Variants in URB1 observed in about 807,000 individuals in gnomAD.
URB1 encodes the protein URB1 ribosome biogenesis factor, also known as nucleolar pre-ribosomal-associated protein 1.
A neutral mutation model predicts 242.3 loss-of-function variants in URB1; 197 were observed. The observed-to-expected ratio is 0.81, with a 90% CI of 0.72 to 0.91. The LOEUF (loss-of-function observed/expected upper bound fraction) is 0.91, where lower values mean the gene tolerates loss of function less well. URB1 is among the 40% of genes least tolerant of loss of function. The pLI is 0.00. For missense variants in URB1, 2,721 were observed against 2,860.5 expected, an observed-to-expected ratio of 0.95 and a Z score of 1.11; for synonymous variants, 1,153 against 1,201.8, an observed-to-expected ratio of 0.96 and a Z score of 0.84.
chr21:32,317,092 T>C, intron 37 of URB1, 27 bp from the exon 38 acceptor site: 2 of 1,499,372 alleles, frequency 1.3e-6, no homozygotes, highest in African/African-American at 1.4e-5. Context: ...GAGAAGGTAA[T>C]GAGACTGGGG....
In URB1 at chr21:32,385,033, AAG is replaced by A. The variant is rs1448136274; in HGVS notation, c.282+510_282+511del. Among the ~76,000 whole-genome samples, 18 of 151,962 alleles carry A rather than the reference AAG, an allele frequency of 1.2e-4. No homozygotes were observed. The East Asian group carries it at 2.7e-3, about 23-fold the overall frequency. On this transcript the variant is annotated intron_variant, in intron 2 of 38. Coordinates refer to ENST00000382751, the MANE Select transcript of URB1 (RefSeq NM_014825.3). Reference sequence around the variant, plus strand: ...AAAGAAAGAAAGAAAGAAAGAAAGAAAGAACAGCTTGTTTACAATCACAGAAA... The same window carrying A: ...AAAGAAAGAAAGAAAGAAAGAAAGAAAACAGCTTGTTTACAATCACAGAAA...
chr21:32,348,990 C>G (rs186038919), intron 21 of URB1, among the ~76,000 whole-genome samples: 43 of 152,246 alleles, frequency 2.8e-4, no homozygotes, highest in Admixed American at 8.5e-4. Flanking sequence ...CTGTGAAAAG[C>G]AGCACCTGCT....
chr21:32,370,891 T>C (rs79813648), intron 8 of URB1, among the ~76,000 whole-genome samples: 47 of 152,356 alleles, frequency 3.1e-4, no homozygotes, highest in African/African-American at 1.1e-3. Context: ...TAACACCAGC[T>C]TTCAGTGAAC....
At position 32,314,238 on chromosome 21, in the gene URB1, G is replaced by A. The variant is rs143084168; in HGVS notation, c.*680C>T. 225 of 300,984 alleles carry A rather than the reference G, an allele frequency of 7.5e-4. 1 individual carries two copies. Among genetic ancestry groups the A allele is most frequent in the African/African-American group, 4.5e-3 (209 of 46,338 alleles). 18.6% of individuals were successfully genotyped at this position (300,984 alleles called of 1,614,324 possible). Reference sequence around the variant, plus strand: ...CTTGCTCTGTCACCTAGGCTGGAGCGCAATGGCACGATCTCAGCTCACTGT... The same window carrying A: ...CTTGCTCTGTCACCTAGGCTGGAGCACAATGGCACGATCTCAGCTCACTGT... On this transcript the variant is annotated 3_prime_UTR_variant, in exon 39 of 39. Coordinates refer to ENST00000382751, the MANE Select transcript of URB1 (RefSeq NM_014825.3).
chr21:32,354,230 C>T, intron 17 of URB1, 127 bp from the exon 18 acceptor site: 2 of 1,049,614 alleles, frequency 1.9e-6, no homozygotes, highest in Admixed American at 2.8e-5. Flanking sequence ...TTGGGGGGAG[C>T]ATTTAACATA....
rs1031206301 is a variant in URB1 at position 32,338,702 on chromosome 21, G to T, written c.4510+5C>A. ...CGGAATGGAAGGGCTGGGGTGAGGG[G>T]TCACCTTTTACTTGGCTGTCCGGGC... On this transcript the variant is annotated splice_donor_5th_base_variant and intron_variant, in intron 26 of 38. Coordinates refer to ENST00000382751, the MANE Select transcript of URB1 (RefSeq NM_014825.3). 2 of 1,550,812 alleles carry T rather than the reference G, an allele frequency of 1.3e-6. No homozygotes were observed. The highest frequency in any genetic ancestry group is 2.0e-5 in the Admixed American group (1 of 51,002).
chr21:32,332,992 C>A (rs968879965), intron 30 of URB1: 2 of 321,192 alleles, frequency 6.2e-6, no homozygotes, highest in African/African-American at 2.2e-5. Flanking sequence ...TAAAATCTCT[C>A]ATTTCTGTTG....
At position 32,347,640 on chromosome 21, in the gene URB1, T is replaced by C; in HGVS notation, c.3184A>G (p.Ile1062Val). Reference sequence around the variant, plus strand: ...CCCAGCTGCCCAATGTTCTGGAGGATCGGGGCACTTGCTGCCAGCAGCTGA... The same window carrying C: ...CCCAGCTGCCCAATGTTCTGGAGGACCGGGGCACTTGCTGCCAGCAGCTGA... ...VLQLLAASAPILQNIGQLGLL... is the reference protein window; with the variant it reads ...VLQLLAASAPVLQNIGQLGLL... The change falls in exon 22 of 39, where the codon ATC (isoleucine) becomes GTC (valine). Residue 1062 changes from isoleucine to valine, a missense_variant. Transcript: ENST00000382751. 6.4e-7 allele frequency: 1 copy of C among 1,551,636 alleles called. No homozygotes were observed. The highest frequency in any genetic ancestry group is 8.7e-7 in the Non-Finnish European group (1 of 1,147,000).
rs1249961348 is a variant in URB1 at position 32,333,452 on chromosome 21, T to G, written c.4858-33A>C. 1.0e-5 allele frequency: 15 copies of G among 1,503,638 alleles called. No homozygotes were observed. In the African/African-American group the frequency reaches 1.8e-4, roughly 18 times the overall value. The allele number at this position is 1,503,638 out of a possible 1,614,324, so 93.1% of individuals were successfully genotyped here. A position where few individuals can be genotyped will look rare whatever the true frequency, so the allele number is the denominator to read the frequency against. On this transcript the variant is annotated intron_variant, in intron 29 of 38. Coordinates refer to ENST00000382751, the MANE Select transcript of URB1 (RefSeq NM_014825.3). ...AGCCAAAATCAACAAAAACGTGTGA[T>G]TCAACCTCACAAAGGTAATACAGGT...
intron 28 of URB1, 115 bp from the exon 29 acceptor site, chr21:32,334,449 T>C: frequency 3.2e-6 from 4 of 1,236,992 alleles, no homozygotes; most frequent in Non-Finnish European, 4.4e-6. Flanking sequence ...CAGGTGCTGT[T>C]CTGAGCATGC....
chr21:32,325,507 G>A, intron 30 of URB1, 118 bp from the exon 31 acceptor site: 2 of 1,310,836 alleles, frequency 1.5e-6, no homozygotes, highest in South Asian at 3.2e-5. Flanking sequence ...CAAGCACAAG[G>A]AATGCAAGTC....
intron 15 of URB1, among the ~76,000 whole-genome samples, chr21:32,357,058 T>C (rs1054419905): frequency 1.3e-5 from 2 of 152,266 alleles, no homozygotes; most frequent in Non-Finnish European, 2.9e-5. Flanking sequence ...GAGGACTAGA[T>C]GTCCTACTGC....
At chr21:32,360,026 G>A (rs1352405386) in intron 13 of URB1, 118 bp from the exon 14 acceptor site, 1 of 912,012 alleles carries the variant, frequency 1.1e-6, no homozygotes, top group African/African-American at 1.7e-5. Flanking sequence ...GGTGGATGCA[G>A]GGTTCTGTTT....
Position 32,373,641 on chromosome 21 carries a change from C to A in URB1, c.876+6G>T. On this transcript the variant is annotated splice_donor_region_variant and intron_variant, in intron 7 of 38. Transcript: ENST00000382751. ...GAGGTCAACGAAAACCAAAAAGTGTCTGCACCTTGACATTTTCTGGGTTCA... is the reference window on the plus strand; with the variant it reads ...GAGGTCAACGAAAACCAAAAAGTGTATGCACCTTGACATTTTCTGGGTTCA... The A allele has an allele frequency of 6.5e-7, 1 of 1,535,012 alleles. No homozygotes were observed. Among genetic ancestry groups the A allele is most frequent in the South Asian group, 1.3e-5 (1 of 79,934 alleles).
chr21:32,367,672 G>C (rs532979938), intron 9 of URB1, among the ~76,000 whole-genome samples: 21 of 152,338 alleles, frequency 1.4e-4, no homozygotes, highest in African/African-American at 5.0e-4. Context: ...TAAACCAGCA[G>C]ACCAACGTTC....
intron 27 of URB1, 56 bp from the exon 28 acceptor site, chr21:32,337,213 G>C (rs1022168782): frequency 6.6e-7 from 1 of 1,522,302 alleles, no homozygotes; most frequent in African/African-American, 1.4e-5. Context: ...CCCTCCTGCT[G>C]CTCCCACCAC....
intron 1 of URB1, among the ~76,000 whole-genome samples, chr21:32,391,893 G>C (rs2033642991): frequency 6.6e-6 from 1 of 150,918 alleles, no homozygotes; most frequent in Non-Finnish European, 1.5e-5. Context: ...GCATGGTGTT[G>C]TGCACCTACA....
rs572005368 is a variant in URB1 at position 32,354,148 on chromosome 21, AG to A, written c.2246-46del. On this transcript the variant is annotated intron_variant, in intron 17 of 38. Transcript: ENST00000382751. ...ATCCAGCTGATGTGAGAGCCACTGAAGGGTTTCACTGCAAATACCCACAGGG... is the reference window on the plus strand; with the variant it reads ...ATCCAGCTGATGTGAGAGCCACTGAAGGTTTCACTGCAAATACCCACAGGG... 2,756 of 1,546,624 alleles carry A rather than the reference AG, an allele frequency of 1.8e-3. 4 individuals carry two copies. The highest frequency in any genetic ancestry group is 2.2e-3 in the Non-Finnish European group (2,516 of 1,143,894).
intron 5 of URB1, among the ~76,000 whole-genome samples, chr21:32,375,762 T>C (rs908902306): frequency 4.6e-5 from 7 of 151,686 alleles, no homozygotes; most frequent in African/African-American, 1.7e-4. Context: ...CTGGGCAATA[T>C]AGCAAGACCC....
Sources: gnomAD v4.1 joint callset for allele counts (sites outside exome capture counted in the v4.1 genomes callset) on GRCh38, gnomAD v4.1.1 for gene constraint, MANE v1.5 for transcripts, NCBI Gene and HGNC (gene_info 2026-07-23, HGNC 2026-07-21) for gene names.